The following PRH1 variants were observed in gnomAD, a reference collection of about 807,000 sequenced individuals.
PRH1 encodes salivary acidic proline-rich phosphoprotein 1/2.
A neutral mutation model predicts 7.9 loss-of-function variants in PRH1; 7 were observed. The ratio of observed to expected loss-of-function variants is 0.89; its 90% CI spans 0.50 to 1.67. The LOEUF (loss-of-function observed/expected upper bound fraction) is 1.67, where lower values mean the gene tolerates loss of function less well. Among genes scored for constraint, PRH1 ranks in the 40% most tolerant of loss-of-function variants. The probability of loss-of-function intolerance (pLI) is 0.00; values close to 1 mark genes in which losing one functional copy is unlikely to be tolerated. For missense variants in PRH1, 109 were observed against 223.6 expected, an observed-to-expected ratio of 0.49 and a Z score of 3.27; for synonymous variants, 45 against 80.8, an observed-to-expected ratio of 0.56 and a Z score of 2.38.
intron 2 of PRH1, among the ~76,000 whole-genome samples, chr12:10,962,400 G>A (rs1938279354): frequency 6.6e-6 from 1 of 152,074 alleles, no homozygotes. Context: ...TGTTTTGAAG[G>A]TATTGTAGTG....
intron 2 of PRH1, among the ~76,000 whole-genome samples, chr12:10,911,587 A>G (rs909046358): frequency 2.0e-5 from 3 of 152,206 alleles, no homozygotes; most frequent in Non-Finnish European, 4.4e-5. Context: ...GCAGTTTGCC[A>G]ACGTTGTGTT....
chr12:11,126,033 T>G (rs1454762699), intron 1 of PRH1, among the ~76,000 whole-genome samples: 1 of 152,094 alleles, frequency 6.6e-6, no homozygotes, highest in Non-Finnish European at 1.5e-5. Flanking sequence ...TATTATATGA[T>G]TCTGCTTTTA....
chr12:11,133,604 TTGCCA>T (rs1177651077), intron 1 of PRH1: 1 of 1,614,162 alleles, frequency 6.2e-7, no homozygotes. Context: ...TTGAGATCCT[TTGCCA>T]TGGAGCTGCA....
intron 1 of PRH1, among the ~76,000 whole-genome samples, chr12:10,999,963 T>C (rs947700463): frequency 6.6e-6 from 1 of 151,724 alleles, no homozygotes; most frequent in Non-Finnish European, 1.5e-5. Flanking sequence ...TTTCATATCA[T>C]TCAATCATCC....
At chr12:10,948,898 T>C (rs762716050) in intron 2 of PRH1, among the ~76,000 whole-genome samples, 15 of 152,126 alleles carry the variant, frequency 9.9e-5, no homozygotes, top group Non-Finnish European at 2.1e-4. Flanking sequence ...ATTTTTGGTG[T>C]TGAAGTTTTG....
chr12:11,016,632 T>A (rs1203544719), intron 1 of PRH1, among the ~76,000 whole-genome samples: 2 of 152,206 alleles, frequency 1.3e-5, no homozygotes, highest in Admixed American at 1.3e-4. Flanking sequence ...TGAGCCATCA[T>A]ACCCAGCCTG....
intron 1 of PRH1, among the ~76,000 whole-genome samples, chr12:11,029,783 A>G (rs1481152925): frequency 6.6e-6 from 1 of 151,874 alleles, no homozygotes; most frequent in Non-Finnish European, 1.5e-5. Flanking sequence ...TTTACTCTGC[A>G]TATGCTTCTC....
At chr12:10,955,016 C>CAGAA (rs1354879785) in intron 2 of PRH1, among the ~76,000 whole-genome samples, 1 of 152,098 alleles carries the variant, frequency 6.6e-6, no homozygotes. Context: ...CAGCACTAGA[C>CAGAA]AGAACATCAA....
At chr12:10,917,002 G>C (rs1949981308) in intron 2 of PRH1, among the ~76,000 whole-genome samples, 1 of 152,168 alleles carries the variant, frequency 6.6e-6, no homozygotes, top group African/African-American at 2.4e-5. Context: ...CTTGAGCCCG[G>C]AAGGCCCAGG....
intron 1 of PRH1, among the ~76,000 whole-genome samples, chr12:11,071,749 T>C (rs1236022347): frequency 1.3e-5 from 2 of 152,156 alleles, no homozygotes; most frequent in African/African-American, 4.8e-5. Flanking sequence ...TCGGCTGGAC[T>C]GACAAGCAAA....
intron 2 of PRH1, among the ~76,000 whole-genome samples, chr12:10,940,986 T>C (rs374215488): frequency 3.3e-5 from 5 of 152,168 alleles, no homozygotes. Context: ...TCAGCTAGCA[T>C]GGACAAATAT....
At chr12:11,138,141 G>T (rs948576422) in intron 1 of PRH1, among the ~76,000 whole-genome samples, 1 of 151,884 alleles carries the variant, frequency 6.6e-6, no homozygotes, top group Non-Finnish European at 1.5e-5. Flanking sequence ...TCTATTTTGG[G>T]TTTTTTTGTG....
chr12:11,096,630 T>C (rs1194293721), intron 1 of PRH1, among the ~76,000 whole-genome samples: 1 of 115,622 alleles, frequency 8.6e-6, no homozygotes, highest in Non-Finnish European at 2.0e-5. Flanking sequence ...TAGCTTTTTT[T>C]GGATAGTAGC....
At chr12:10,932,491 CTTCTCTGTCTTCT>C (rs1368656965) in intron 2 of PRH1, 3 of 179,410 alleles carry the variant, frequency 1.7e-5, no homozygotes, top group African/African-American at 6.9e-5. Context: ...TGTTTCTTTC[CTTCTCTGTCTTCT>C]TAGCTCGAAT....
chr12:11,102,097 A>G (rs1036996358), intron 1 of PRH1, among the ~76,000 whole-genome samples: 30 of 152,270 alleles, frequency 2.0e-4, no homozygotes, highest in African/African-American at 7.0e-4. Context: ...AATCAATATC[A>G]TGAAAATGGC....
intron 3 of PRH1, among the ~76,000 whole-genome samples, chr12:10,881,638 C>T (rs1949402401): frequency 2.0e-5 from 3 of 151,960 alleles, no homozygotes; most frequent in Admixed American, 2.0e-4. Context: ...AAAGTAGATT[C>T]CAAAGAGTAA....
chr12:11,021,033 A>G (rs1941595775), intron 1 of PRH1, among the ~76,000 whole-genome samples: 1 of 152,264 alleles, frequency 6.6e-6, no homozygotes, highest in Admixed American at 6.5e-5. Flanking sequence ...CTATTCACAT[A>G]CTGGTATTAA....
intron 2 of PRH1, chr12:10,965,052 T>C: frequency 9.8e-7 from 1 of 1,017,024 alleles, no homozygotes; most frequent in African/African-American, 1.6e-5. Flanking sequence ...ATGCTGAGGC[T>C]AGTAGCAACC....
chr12:11,134,092 C>G, intron 1 of PRH1: 1 of 1,614,132 alleles, frequency 6.2e-7, no homozygotes, highest in South Asian at 1.1e-5. Flanking sequence ...TGGAGACCGC[C>G]AGAGCAGTGA....
Sources: gnomAD v4.1 joint callset for allele counts (sites outside exome capture counted in the v4.1 genomes callset) on GRCh38, gnomAD v4.1.1 for gene constraint, MANE v1.5 for transcripts, NCBI Gene and HGNC (gene_info 2026-07-23, HGNC 2026-07-21) for gene names.